Variants in ASPM observed in about 807,000 individuals in gnomAD.
ASPM encodes the protein abnormal spindle-like microcephaly-associated protein.
ASPM carries 256 observed loss-of-function variants against 366.4 expected under a neutral mutation model. The observed-to-expected ratio is 0.70, with a 90% CI of 0.63 to 0.77. The LOEUF (loss-of-function observed/expected upper bound fraction) is 0.77, where lower values mean the gene tolerates loss of function less well. ASPM is among the 30% of genes least tolerant of loss of function. The pLI is 0.00. For missense variants in ASPM, 4,146 were observed against 4,090.4 expected, an observed-to-expected ratio of 1.01 and a Z score of -0.37; for synonymous variants, 1,414 against 1,342.9, an observed-to-expected ratio of 1.05 and a Z score of -1.16.
At chr1:197,097,560 T>A (rs1195139511) in intron 18 of ASPM, among the ~76,000 whole-genome samples, 1 of 151,800 alleles carries the variant, frequency 6.6e-6, no homozygotes, top group African/African-American at 2.4e-5. Context: ...AATGCAATAA[T>A]TATATATGGC....
At chr1:197,090,491 A>G in intron 23 of ASPM, 103 bp from the exon 24 acceptor site, 1 of 937,552 alleles carries the variant, frequency 1.1e-6, no homozygotes. Flanking sequence ...AATTTATTTG[A>G]CATGATCACA....
intron 26 of ASPM, 112 bp downstream of exon 26, chr1:197,088,144 C>T: frequency 8.5e-7 from 1 of 1,182,540 alleles, no homozygotes; most frequent in East Asian, 2.4e-5. Flanking sequence ...CAGGTTTGAA[C>T]ACACATAAAA....
At position 197,100,536 on chromosome 1, in the gene ASPM, G is replaced by T; in HGVS notation, c.8715C>A (p.Val2905=). The T allele has an allele frequency of 6.2e-7, 1 of 1,611,304 alleles. No homozygotes were observed. Among genetic ancestry groups the T allele is most frequent in the East Asian group, 2.2e-5 (1 of 44,770 alleles). Residue 2905 remains valine (V), a synonymous_variant, in exon 18 of 28, where the codon GTC becomes GTA. Coordinates refer to ENST00000367409, the MANE Select transcript of ASPM (RefSeq NM_018136.5). ...TAACACTGCTTCTGATCTGTAAATA[G>T]ACTTGTCTTTGATGTTTTGCAGACA... The part of the protein sequence containing the change: ...AFLSAKHQRQ[V]YLQIRSSVII...
chr1:197,117,784 T>G lies in ASPM; in HGVS notation c.4065+5A>C, dbSNP rs767222526. 6.2e-7 allele frequency: 1 copy of G among 1,609,754 alleles called. No individual in the cohort carries two copies. Among genetic ancestry groups the G allele is most frequent in the African/African-American group, 1.3e-5 (1 of 74,836 alleles). On this transcript the variant is annotated splice_donor_5th_base_variant and intron_variant, in intron 17 of 27. Coordinates refer to ENST00000367409, the MANE Select transcript of ASPM (RefSeq NM_018136.5). Reference sequence around the variant, plus strand: ...AAATTCAAAAATTAGTCCAGGATACTATACCTGAATAAGTGATGCTGCTTT... The same window carrying G: ...AAATTCAAAAATTAGTCCAGGATACGATACCTGAATAAGTGATGCTGCTTT...
rs775075575 is a variant in ASPM, at chr1:197,129,960, C to T, written c.2584G>A (p.Ala862Thr). The T allele has an allele frequency of 2.5e-6, 4 of 1,613,800 alleles. No individual in the cohort carries two copies. Among genetic ancestry groups the T allele is most frequent in the Non-Finnish European group, 3.4e-6 (4 of 1,179,886 alleles). The change falls in exon 8 of 28, where the codon GCA becomes ACA. Residue 862 changes from alanine (A) to threonine (T), a missense_variant. Physicochemically the swap from Ala to Thr is moderately conservative, Grantham distance 58 (BLOSUM62 0). Coordinates refer to ENST00000367409, the MANE Select transcript of ASPM (RefSeq NM_018136.5). Reference protein sequence around the residue: ...LNRLLWNPDIAAEYRHPTVPH... With the variant: ...LNRLLWNPDITAEYRHPTVPH... ...ACAGTGGGGTGTCTATACTCAGCTG[C>T]TATATCAGGATTCCAAAGTAGGCGA... is the stretch of plus-strand genomic sequence containing the variant.
chr1:197,102,112 T>G lies in ASPM; in HGVS notation c.7139A>C (p.His2380Pro), dbSNP rs1037713445. Residue 2380 changes from histidine (H) to proline (P), a missense_variant, in exon 18 of 28, where the codon CAT (histidine) becomes CCT (proline). Physicochemically the swap from His to Pro is moderately conservative, Grantham distance 77. This residue lies in a region of ASPM where 3,624 missense variants were observed against 3,591.7 expected (regional missense o/e 1.01). Transcript: ENST00000367409. ...ANRAAKLQRQHYLRQRHSAVI... is the reference protein window; with the variant it reads ...ANRAAKLQRQPYLRQRHSAVI... ...AGCAGAGTGTCTTTGTCTGAGATAA[T>G]GCTGCCTCTGCAGTTTTGCAGCTCT... 1.9e-6 allele frequency: 3 copies of G among 1,612,982 alleles called. No individual in the cohort carries two copies. The South Asian group carries it at 3.3e-5, about 18-fold the overall frequency.
intron 25 of ASPM, 51 bp from the exon 26 acceptor site, chr1:197,088,483 C>A: frequency 1.3e-6 from 2 of 1,513,918 alleles, no homozygotes; most frequent in East Asian, 2.3e-5. Flanking sequence ...CATACATTTA[C>A]AAACAACCCA....
At chr1:197,138,620 G>A (rs1002711911) in intron 4 of ASPM, 8 of 458,470 alleles carry the variant, frequency 1.7e-5, no homozygotes, top group African/African-American at 1.6e-4. Context: ...TTTAGTTAGG[G>A]AAAATATACA....
intron 13 of ASPM, among the ~76,000 whole-genome samples, chr1:197,123,538 C>T (rs1657983289): frequency 6.6e-6 from 1 of 152,038 alleles, no homozygotes; most frequent in African/African-American, 2.4e-5. Flanking sequence ...AATTTTTGTA[C>T]TAATAACTTC....
chr1:197,121,013 A>G (rs939449537), intron 16 of ASPM, among the ~76,000 whole-genome samples: 2 of 152,206 alleles, frequency 1.3e-5, no homozygotes, highest in Non-Finnish European at 2.9e-5. Flanking sequence ...TGTTTTACAC[A>G]GCTACCAAGA....
rs1391546323 is a variant in ASPM at position 197,103,060 on chromosome 1, G to A, written c.6191C>T (p.Ala2064Val). ...TATAATAGCTGAAGCTCTATAGGTTGCATATTTCTTTTTGGTTTTGTAAGC... is the reference window on the plus strand; with the variant it reads ...TATAATAGCTGAAGCTCTATAGGTTACATATTTCTTTTTGGTTTTGTAAGC... ...YRAYKTKKKY[A>V]TYRASAIIIQ... The change falls in exon 18 of 28, where the codon GCA becomes GTA. Residue 2064 changes from alanine (A) to valine (V), a missense_variant. Physicochemically the swap from Ala to Val is moderately conservative, Grantham distance 64. This residue lies in a region of ASPM where 3,624 missense variants were observed against 3,591.7 expected (regional missense o/e 1.01). Coordinates refer to ENST00000367409, the MANE Select transcript of ASPM (RefSeq NM_018136.5). 4 of 1,612,222 alleles carry A rather than the reference G, an allele frequency of 2.5e-6. No individual in the cohort carries two copies. The highest frequency in any genetic ancestry group is 3.4e-6 in the Non-Finnish European group (4 of 1,179,080).
intron 18 of ASPM, among the ~76,000 whole-genome samples, chr1:197,099,849 A>G (rs1558327456): frequency 1.3e-5 from 2 of 151,774 alleles, no homozygotes; most frequent in Non-Finnish European, 2.9e-5. Context: ...GCCTCTCTCT[A>G]TGCAACATTG....
intron 7 of ASPM, among the ~76,000 whole-genome samples, chr1:197,131,796 C>T (rs544411560): frequency 6.6e-6 from 1 of 151,418 alleles, no homozygotes; most frequent in East Asian, 2.0e-4. Flanking sequence ...CCTGACCTCA[C>T]GATCAGCTCA....
Position 197,084,401 on chromosome 1 carries a change from T to C in ASPM, c.10357A>G (p.Arg3453Gly). ...SRLKPDWVLR[R>G]DNMEEITNPL... The stretch of plus-strand genomic sequence containing the variant: ...TTTGTGATTTCTTCCATGTTATCTC[T>C]TCTCAAAACCCAATCTGGCTTAAGT... The change falls in exon 28 of 28, where the codon AGA (arginine) becomes GGA (glycine). Residue 3453 changes from arginine (R) to glycine (G), a missense_variant. Physicochemically the swap from Arg to Gly is moderately radical, Grantham distance 125 (BLOSUM62 -2). This residue lies in a region of ASPM where 3,624 missense variants were observed against 3,591.7 expected (regional missense o/e 1.01). Coordinates refer to ENST00000367409, the MANE Select transcript of ASPM (RefSeq NM_018136.5). 6.2e-7 allele frequency: 1 copy of C among 1,612,208 alleles called. No homozygotes were observed. The highest frequency in any genetic ancestry group is 8.5e-7 in the Non-Finnish European group (1 of 1,179,278).
At chr1:197,129,110 G>C in intron 9 of ASPM, 77 bp downstream of exon 9, 1 of 1,521,040 alleles carries the variant, frequency 6.6e-7, no homozygotes, top group South Asian at 1.2e-5. Flanking sequence ...TTTTTCTAAA[G>C]AGAAAACATA....
chr1:197,101,786 C>A lies in ASPM; in HGVS notation c.7465G>T (p.Ala2489Ser), dbSNP rs754870476. The A allele has an allele frequency of 1.2e-6, 2 of 1,612,546 alleles. No individual in the cohort carries two copies. The highest frequency in any genetic ancestry group is 1.6e-4 in the Middle Eastern group (1 of 6,076). ...TATGTTCTGTACATCCTGAAAGTAG[C>A]CTGAATGAGAACTGCAGCCCTTTGC... ...EMQRAAVLIQ[A>S]TFRMYRTYIT... is the part of the protein sequence containing the mutation. The change falls in exon 18 of 28, where the codon GCT becomes TCT. Residue 2489 changes from alanine (A) to serine (S), a missense_variant. By Grantham distance (99) the Ala-to-Ser change is moderately conservative (BLOSUM62 1). This residue lies in a region of ASPM where 3,624 missense variants were observed against 3,591.7 expected (regional missense o/e 1.01). Coordinates refer to ENST00000367409, the MANE Select transcript of ASPM (RefSeq NM_018136.5).
rs200681905 is a variant in ASPM, at chr1:197,104,659, C to A, written c.4592G>T (p.Arg1531Leu). ...YKAYLKGKIE[R>L]TNYLQKRAAA... ...AGCTCGTTTCTGCAAATAGTTGGTG[C>A]GCTCAATCTTTCCTTTCAGATATGC... The change falls in exon 18 of 28, where the codon CGC becomes CTC. Residue 1531 changes from arginine to leucine, a missense_variant. Arg to Leu is a moderately radical substitution (Grantham distance 102, BLOSUM62 -2). This residue lies in a region of ASPM where 3,624 missense variants were observed against 3,591.7 expected (regional missense o/e 1.01). Transcript: ENST00000367409. 3.1e-6 allele frequency: 5 copies of A among 1,613,058 alleles called. No homozygotes were observed. In the African/African-American group the frequency reaches 5.3e-5, roughly 17 times the overall value.
Position 197,090,877 on chromosome 1 carries a change from T to A in ASPM, c.9609A>T (p.Lys3203Asn), listed in dbSNP as rs1354927884. 2 of 1,613,132 alleles carry A rather than the reference T, an allele frequency of 1.2e-6. No homozygotes were observed. The highest frequency in any genetic ancestry group is 2.2e-5 in the South Asian group (2 of 91,048). The change falls in exon 23 of 28, where the codon AAA becomes AAT. Residue 3203 changes from lysine (K) to asparagine (N), a missense_variant. By Grantham distance (94) the Lys-to-Asn change is moderately conservative. This residue lies in a region of ASPM where 3,624 missense variants were observed against 3,591.7 expected (regional missense o/e 1.01). Coordinates refer to ENST00000367409, the MANE Select transcript of ASPM (RefSeq NM_018136.5). ...RHFLLRKKQE[K>N]FTSGIIKIQA... ...GAATTTTAATGATTCCACTAGTGAATTTTTCCTGCTTTTTACGGAGGAGAA... is the reference window on the plus strand; with the variant it reads ...GAATTTTAATGATTCCACTAGTGAAATTTTCCTGCTTTTTACGGAGGAGAA...
chr1:197,146,027 T>A, intron 1 of ASPM, 114 bp downstream of exon 1: 4 of 1,360,916 alleles, frequency 2.9e-6, no homozygotes, highest in Non-Finnish European at 4.2e-6. Flanking sequence ...GACTTTATTC[T>A]CTAAGGGTCT....
Sources: gnomAD v4.1 joint callset for allele counts (sites outside exome capture counted in the v4.1 genomes callset) on GRCh38, gnomAD v4.1.1 for gene constraint, gnomAD v4.1.1 regional missense constraint, MANE v1.5 for transcripts, NCBI Gene and HGNC (gene_info 2026-07-23, HGNC 2026-07-21) for gene names.